The following LRCH1 variants were observed in gnomAD, a reference collection of about 807,000 sequenced individuals.
LRCH1 encodes leucine rich repeats and calponin homology domain containing 1.
LRCH1 carries 23 observed loss-of-function variants against 94.9 expected under a neutral mutation model. The ratio of observed to expected loss-of-function variants is 0.24; its 90% confidence interval spans 0.17 to 0.34. The LOEUF (loss-of-function observed/expected upper bound fraction) is 0.34, where lower values mean the gene tolerates loss of function less well. Among genes scored for constraint, LRCH1 ranks in the 10% least tolerant of loss-of-function variants. The probability of loss-of-function intolerance (pLI) is 1.00; values close to 1 mark genes in which losing one functional copy is unlikely to be tolerated. For synonymous variants in LRCH1, 364 were observed against 354.9 expected, an observed-to-expected ratio of 1.03 and a Z score of -0.29; for missense variants, 790 against 945.9, an observed-to-expected ratio of 0.84 and a Z score of 2.16.
chr13:46,725,856 A>G (rs1329263742), intron 17 of LRCH1, among the ~76,000 whole-genome samples: 2 of 152,214 alleles, frequency 1.3e-5, no homozygotes. Context: ...AATCTATGCA[A>G]CTAAGATCAG....
At chr13:46,666,112 A>G (rs1248780223) in intron 2 of LRCH1, among the ~76,000 whole-genome samples, 1 of 152,178 alleles carries the variant, frequency 6.6e-6, no homozygotes, top group Non-Finnish European at 1.5e-5. Context: ...GGCCTGCTGT[A>G]CGGTGACTAA....
chr13:46,577,488 A>G (rs193160540), intron 1 of LRCH1, among the ~76,000 whole-genome samples: 2 of 152,336 alleles, frequency 1.3e-5, no homozygotes, highest in Admixed American at 1.3e-4. Flanking sequence ...TCCCTTTGCC[A>G]TTTAAGATGA....
intron 1 of LRCH1, among the ~76,000 whole-genome samples, chr13:46,591,988 A>G (rs560568294): frequency 1.3e-5 from 2 of 152,320 alleles, no homozygotes; most frequent in South Asian, 2.1e-4. Flanking sequence ...ATCATATGGT[A>G]TTGGAATCAA....
chr13:46,574,287 T>C (rs2050276897), intron 1 of LRCH1, among the ~76,000 whole-genome samples: 1 of 152,120 alleles, frequency 6.6e-6, no homozygotes, highest in Non-Finnish European at 1.5e-5. Flanking sequence ...CATGCCTGTA[T>C]GAAAGTATCT....
intron 2 of LRCH1, among the ~76,000 whole-genome samples, chr13:46,657,408 T>C (rs1469100703): frequency 7.8e-6 from 1 of 127,986 alleles, no homozygotes; most frequent in Non-Finnish European, 1.7e-5. Flanking sequence ...TTTTAAAACA[T>C]ACATATATGA....
intron 1 of LRCH1, among the ~76,000 whole-genome samples, chr13:46,620,842 C>G (rs1242984664): frequency 1.3e-5 from 2 of 152,206 alleles, no homozygotes; most frequent in African/African-American, 4.8e-5. Flanking sequence ...AGATAATTAA[C>G]TCCTTTATAT....
chr13:46,723,489 C>T (rs544975173), intron 17 of LRCH1, among the ~76,000 whole-genome samples, 159 bp downstream of exon 17: 9 of 152,314 alleles, frequency 5.9e-5, no homozygotes, highest in Admixed American at 1.3e-4. Flanking sequence ...AACCCTGAGT[C>T]TGTTTCTTTG....
At chr13:46,729,078 T>C in intron 18 of LRCH1, 94 bp downstream of exon 18, 1 of 1,237,390 alleles carries the variant, frequency 8.1e-7, no homozygotes, top group Non-Finnish European at 1.1e-6. Context: ...AGTAGGAGCT[T>C]GCTCAAATCT....
At chr13:46,585,843 C>T (rs1327354371) in intron 1 of LRCH1, among the ~76,000 whole-genome samples, 1 of 148,086 alleles carries the variant, frequency 6.8e-6, no homozygotes, top group African/African-American at 2.5e-5. Flanking sequence ...GCTGAAGGAA[C>T]AAACCACAAA....
At chr13:46,603,323 C>T (rs1326025159) in intron 1 of LRCH1, among the ~76,000 whole-genome samples, 1 of 152,098 alleles carries the variant, frequency 6.6e-6, no homozygotes, top group Non-Finnish European at 1.5e-5. Flanking sequence ...CTCAAGTCTT[C>T]CCTGAAATCT....
chr13:46,591,973 C>T (rs1288968310), intron 1 of LRCH1, among the ~76,000 whole-genome samples: 2 of 152,212 alleles, frequency 1.3e-5, no homozygotes, highest in African/African-American at 4.8e-5. Context: ...CAAGGCTTCC[C>T]TAGTATCATA....
At chr13:46,735,810 C>CT (rs1873349194) in intron 19 of LRCH1, among the ~76,000 whole-genome samples, 3 of 68,018 alleles carry the variant, frequency 4.4e-5, no homozygotes, top group Admixed American at 2.1e-4. Flanking sequence ...TTTTTTTTTT[C>CT]GAGATGGAGT....
chr13:46,685,363 C>T (rs1870551949), intron 4 of LRCH1, among the ~76,000 whole-genome samples: 1 of 152,194 alleles, frequency 6.6e-6, no homozygotes, highest in Non-Finnish European at 1.5e-5. Flanking sequence ...AAAGTCTCAT[C>T]ATACCAGAAT....
chr13:46,632,078 C>T (rs2051024578), intron 1 of LRCH1, among the ~76,000 whole-genome samples: 1 of 152,072 alleles, frequency 6.6e-6, no homozygotes, highest in South Asian at 2.1e-4. Flanking sequence ...TGGTGCATGC[C>T]TGTAGTCCCA....
intron 1 of LRCH1, among the ~76,000 whole-genome samples, chr13:46,613,967 C>T (rs2050776006): frequency 6.6e-6 from 1 of 151,480 alleles, no homozygotes; most frequent in African/African-American, 2.4e-5. Flanking sequence ...TTGGAGCTGC[C>T]TTCGTTAATA....
intron 1 of LRCH1, among the ~76,000 whole-genome samples, chr13:46,625,631 GGTTTTT>G (rs1468836071): frequency 7.9e-5 from 10 of 126,266 alleles, no homozygotes; most frequent in African/African-American, 2.1e-4. Flanking sequence ...AAATGTGTGG[GGTTTTT>G]TTTTTTTTTT....
At chr13:46,580,855 A>G (rs911295977) in intron 1 of LRCH1, among the ~76,000 whole-genome samples, 10 of 152,230 alleles carry the variant, frequency 6.6e-5, no homozygotes, top group African/African-American at 2.4e-4. Flanking sequence ...CACAATTTTC[A>G]GTTGGTTCTA....
chr13:46,606,998 A>T (rs1030734009), intron 1 of LRCH1, among the ~76,000 whole-genome samples: 1 of 152,134 alleles, frequency 6.6e-6, no homozygotes, highest in Non-Finnish European at 1.5e-5. Context: ...CCGAGGCCAG[A>T]GCCTTTACTG....
chr13:46,558,073 A>G (rs1361132595), intron 1 of LRCH1, among the ~76,000 whole-genome samples: 1 of 152,010 alleles, frequency 6.6e-6, no homozygotes, highest in African/African-American at 2.4e-5. Context: ...AACAAAGACT[A>G]TGTGGGAAAC....
Sources: gnomAD v4.1 joint callset for allele counts (sites outside exome capture counted in the v4.1 genomes callset) on GRCh38, gnomAD v4.1.1 for gene constraint, MANE v1.5 for transcripts, NCBI Gene and HGNC (gene_info 2026-07-23, HGNC 2026-07-21) for gene names.